Variants in AGBL4 observed in about 807,000 individuals in gnomAD.
AGBL4 encodes the protein cytosolic carboxypeptidase 6.
Under a neutral mutation model 66.4 loss-of-function variants are expected in AGBL4, and 58 were observed. The ratio of observed to expected loss-of-function variants is 0.87; its 90% CI spans 0.71 to 1.09. The LOEUF (loss-of-function observed/expected upper bound fraction) is 1.09. Among genes scored for constraint, AGBL4 ranks in the 50% least tolerant of loss-of-function variants. AGBL4 has a pLI of 0.00. For synonymous variants in AGBL4, 234 were observed against 222.9 expected (o/e 1.05, Z -0.44); for missense variants, 579 against 631.0 (o/e 0.92, Z 0.88).
At chr1:49,883,454 T>C (rs1647647691) in intron 1 of AGBL4, among the ~76,000 whole-genome samples, 1 of 152,084 alleles carries the variant, frequency 6.6e-6, no homozygotes, top group Non-Finnish European at 1.5e-5. Flanking sequence ...ATTATTACTT[T>C]TTAATTATGT....
intron 3 of AGBL4, among the ~76,000 whole-genome samples, chr1:49,662,004 C>T (rs1426245288): frequency 6.6e-6 from 1 of 151,858 alleles, no homozygotes; most frequent in Non-Finnish European, 1.5e-5. Context: ...ATTATTGATA[C>T]ATGTAACAAC....
At chr1:49,303,723 G>A (rs546564242) in intron 3 of AGBL4, among the ~76,000 whole-genome samples, 38 of 151,730 alleles carry the variant, frequency 2.5e-4, no homozygotes, top group African/African-American at 7.5e-4. Flanking sequence ...TGATCCACCC[G>A]CCTCGGCCTC....
intron 11 of AGBL4, among the ~76,000 whole-genome samples, chr1:48,571,114 CT>C (rs1222289171): frequency 6.6e-6 from 1 of 152,350 alleles, no homozygotes; most frequent in South Asian, 2.1e-4. Context: ...TCATTTAATT[CT>C]CACCACAACC....
chr1:49,659,443 G>C (rs2124484600), intron 3 of AGBL4, among the ~76,000 whole-genome samples: 1 of 152,218 alleles, frequency 6.6e-6, no homozygotes. Flanking sequence ...CAAAATAAAG[G>C]GATGGAGGAA....
At chr1:49,387,772 A>C (rs1171009271) in intron 3 of AGBL4, among the ~76,000 whole-genome samples, 1 of 152,028 alleles carries the variant, frequency 6.6e-6, no homozygotes, top group Non-Finnish European at 1.5e-5. Context: ...TGTACCCATT[A>C]TTAACGTGAT....
intron 2 of AGBL4, among the ~76,000 whole-genome samples, chr1:49,704,142 T>A (rs1406606406): frequency 6.6e-6 from 1 of 152,090 alleles, no homozygotes; most frequent in East Asian, 1.9e-4. Context: ...ACAATCAAAT[T>A]CTGGAAGCCT....
At chr1:49,449,692 G>T (rs915041330) in intron 3 of AGBL4, among the ~76,000 whole-genome samples, 1 of 151,944 alleles carries the variant, frequency 6.6e-6, no homozygotes, top group East Asian at 1.9e-4. Flanking sequence ...GAGGTTGTAC[G>T]GTGGTTTTTC....
intron 9 of AGBL4, among the ~76,000 whole-genome samples, chr1:48,599,043 G>A (rs1645038024): frequency 1.3e-5 from 2 of 151,404 alleles, no homozygotes; most frequent in Admixed American, 1.3e-4. Flanking sequence ...ACACAAACAT[G>A]AGCCGAGAGC....
chr1:49,557,255 T>G (rs1643926240), intron 3 of AGBL4, among the ~76,000 whole-genome samples: 1 of 152,112 alleles, frequency 6.6e-6, no homozygotes, highest in Non-Finnish European at 1.5e-5. Flanking sequence ...TAGCATGTTG[T>G]CACCTCTCAC....
chr1:49,016,477 T>C (rs1397823308), intron 5 of AGBL4, among the ~76,000 whole-genome samples: 1 of 152,200 alleles, frequency 6.6e-6, no homozygotes, highest in Non-Finnish European at 1.5e-5. Flanking sequence ...AAATATTTAG[T>C]ACTGACTCAG....
intron 1 of AGBL4, among the ~76,000 whole-genome samples, chr1:49,948,899 A>C (rs1231819230): frequency 2.6e-5 from 4 of 151,846 alleles, no homozygotes; most frequent in African/African-American, 9.7e-5. Context: ...CTAACCAAAA[A>C]GAACAAATCT....
At chr1:49,508,771 T>C (rs1421012226) in intron 3 of AGBL4, among the ~76,000 whole-genome samples, 2 of 151,824 alleles carry the variant, frequency 1.3e-5, no homozygotes, top group African/African-American at 4.8e-5. Flanking sequence ...TTGTGAACAT[T>C]AAGAAAAATG....
intron 3 of AGBL4, among the ~76,000 whole-genome samples, chr1:49,503,795 A>G (rs1226832225): frequency 1.3e-4 from 20 of 152,120 alleles, no homozygotes; most frequent in Non-Finnish European, 4.4e-5. Flanking sequence ...CTGTACCCCC[A>G]TTGTACTTAG....
chr1:49,912,668 A>T lies in AGBL4; in HGVS notation c.35-61150T>A, dbSNP rs150361191. 2.0e-5 allele frequency among the ~76,000 whole-genome samples: 3 copies of T among 152,276 alleles called. No individual in the cohort carries two copies. The East Asian group carries it at 5.8e-4, about 29-fold the overall frequency. Reference sequence around the variant, plus strand: ...ATATCCTAGACCATTATGCTACCCTAACAGTTTGCTAAATGTCTTAGTTTA... The same window carrying T: ...ATATCCTAGACCATTATGCTACCCTTACAGTTTGCTAAATGTCTTAGTTTA... On this transcript the variant is annotated intron_variant, in intron 1 of 13. Transcript: ENST00000371839.
At chr1:49,829,303 T>C (rs1274335653) in intron 2 of AGBL4, among the ~76,000 whole-genome samples, 2 of 152,114 alleles carry the variant, frequency 1.3e-5, no homozygotes, top group Admixed American at 6.5e-5. Flanking sequence ...AAATGCCTTA[T>C]AGGTCATGTG....
chr1:49,011,794 C>T (rs1228548668), intron 5 of AGBL4, among the ~76,000 whole-genome samples: 1 of 148,762 alleles, frequency 6.7e-6, no homozygotes, highest in East Asian at 2.0e-4. Flanking sequence ...AAAAACCAAA[C>T]ACCGCATATT....
intron 1 of AGBL4, among the ~76,000 whole-genome samples, chr1:49,922,934 G>T (rs946217806): frequency 4.6e-5 from 7 of 152,124 alleles, no homozygotes; most frequent in Non-Finnish European, 1.0e-4. Context: ...AATTAGCATT[G>T]AGATTCTTCA....
At chr1:49,449,666 A>G (rs1212592058) in intron 3 of AGBL4, among the ~76,000 whole-genome samples, 3 of 152,024 alleles carry the variant, frequency 2.0e-5, no homozygotes. Context: ...CCACGAGCCC[A>G]TAGACACAGG....
At chr1:49,577,847 G>A (rs1246583383) in intron 3 of AGBL4, among the ~76,000 whole-genome samples, 1 of 152,168 alleles carries the variant, frequency 6.6e-6, no homozygotes. Flanking sequence ...TTGCAGGGCT[G>A]GGGAAAAGTT....
Sources: allele counts gnomAD v4.1 joint callset (sites outside exome capture counted in the v4.1 genomes callset), GRCh38; gene constraint gnomAD v4.1.1; transcripts MANE v1.5; gene names NCBI Gene and HGNC (gene_info 2026-07-23, HGNC 2026-07-21).